TBC1D4: variants seen among roughly 807,000 people sequenced by gnomAD.
TBC1D4 encodes TBC (Tre-2, BUB2, CDC16) domain-containing protein.
A neutral mutation model predicts 142.5 loss-of-function variants in TBC1D4; 121 were observed. That is an observed-to-expected ratio of 0.85 (90% CI 0.73 to 0.99). The LOEUF (loss-of-function observed/expected upper bound fraction) is 0.99, where lower values mean the gene tolerates loss of function less well. TBC1D4 is among the 50% of genes least tolerant of loss of function. The pLI is 0.00. For synonymous variants in TBC1D4, 630 were observed against 628.2 expected (o/e 1.00, Z -0.04); for missense variants, 1,475 against 1,606.6 (o/e 0.92, Z 1.40).
At chr13:75,447,222 G>T (rs1443102941) in intron 1 of TBC1D4, among the ~76,000 whole-genome samples, 1 of 152,118 alleles carries the variant, frequency 6.6e-6, no homozygotes, top group Non-Finnish European at 1.5e-5. Flanking sequence ...AACGGTAGAA[G>T]TATGGAAGGA....
At chr13:75,323,561 A>C (rs906499535) in intron 11 of TBC1D4, among the ~76,000 whole-genome samples, 1 of 152,204 alleles carries the variant, frequency 6.6e-6, no homozygotes, top group Non-Finnish European at 1.5e-5. Context: ...GAACAAGAAT[A>C]AGATTTAACA....
intron 1 of TBC1D4, among the ~76,000 whole-genome samples, chr13:75,445,500 A>G (rs182546464): frequency 4.9e-4 from 75 of 152,278 alleles, no homozygotes; most frequent in Non-Finnish European, 9.1e-4. Context: ...CTAAGAATCC[A>G]CTGAGATCGT....
intron 1 of TBC1D4, among the ~76,000 whole-genome samples, chr13:75,394,293 T>C (rs1158015092): frequency 6.6e-6 from 1 of 152,218 alleles, no homozygotes; most frequent in Non-Finnish European, 1.5e-5. Context: ...GAGCTCAAGT[T>C]CATATTCATT....
chr13:75,365,758 G>A (rs1282840532), intron 1 of TBC1D4, among the ~76,000 whole-genome samples: 1 of 152,086 alleles, frequency 6.6e-6, no homozygotes, highest in Non-Finnish European at 1.5e-5. Flanking sequence ...AGACTGAGTT[G>A]GGGGGATTTT....
rs1874747930 is a variant in TBC1D4 at position 75,286,980 on chromosome 13, G to T, written c.3709C>A (p.Leu1237Ile). Residue 1237 changes from leucine to isoleucine, a missense_variant, in exon 21 of 21, where the codon CTT (leucine) becomes ATT (isoleucine). Physicochemically the swap from Leu to Ile is conservative, Grantham distance 5 (BLOSUM62 2). Around this residue, in one of 2 missense-constraint regions of TBC1D4, gnomAD observed 248 missense variants for 338.9 expected, o/e 0.73. Transcript: ENST00000377636. Reference sequence around the variant, plus strand: ...TTCATTTTGGTCTCTCTCGTCAAAAGATTTTCCAGGTTTGATTCCAAGGCC... The same window carrying T: ...TTCATTTTGGTCTCTCTCGTCAAAATATTTTCCAGGTTTGATTCCAAGGCC... Reference protein sequence around the residue: ...IQALESNLENLLTRETKMKSL... With the variant: ...IQALESNLENILTRETKMKSL... The T allele has an allele frequency of 6.2e-7, 1 of 1,613,876 alleles. No individual in the cohort carries two copies. Among genetic ancestry groups the T allele is most frequent in the Non-Finnish European group, 8.5e-7 (1 of 1,179,968 alleles).
chr13:75,288,786 G>GTC (rs1874950842), intron 20 of TBC1D4, 148 bp downstream of exon 20: 1 of 798,208 alleles, frequency 1.3e-6, no homozygotes, highest in Non-Finnish European at 2.0e-6. Flanking sequence ...CATGTCATTT[G>GTC]TAGCCCCAGA....
Position 75,482,038 on chromosome 13 carries a change from G to A in TBC1D4, c.-271C>T. On this transcript the variant is annotated 5_prime_UTR_variant, in exon 1 of 21. Coordinates refer to ENST00000377636, the MANE Select transcript of TBC1D4 (RefSeq NM_014832.5). ...TGGGCATCCTCCTCCTTGGGCTGGCGCCTCGGGCAGGACCTCCCCTTCCTC... is the reference window on the plus strand; with the variant it reads ...TGGGCATCCTCCTCCTTGGGCTGGCACCTCGGGCAGGACCTCCCCTTCCTC... 1 of 369,376 alleles carries A rather than the reference G, an allele frequency of 2.7e-6. No homozygotes were observed. Among genetic ancestry groups the A allele is most frequent in the Non-Finnish European group, 4.7e-6 (1 of 211,050 alleles). 22.9% of individuals were successfully genotyped at this position (369,376 alleles called of 1,614,324 possible). A position where few individuals can be genotyped will look rare whatever the true frequency, so the allele number is the denominator to read the frequency against.
At chr13:75,289,892 G>C (rs1374006872) in intron 19 of TBC1D4, among the ~76,000 whole-genome samples, 1 of 152,130 alleles carries the variant, frequency 6.6e-6, no homozygotes, top group Admixed American at 6.6e-5. Context: ...ACTGAGAAGA[G>C]AAAAGAAACC....
In TBC1D4 at chr13:75,312,854, T is replaced by G; in HGVS notation, c.2267A>C (p.Glu756Ala). Reference sequence around the variant, plus strand: ...AGAGGTTCCTCCCACACTTAGGGACTCATTGCTGCAGGTAGATGAGGTCCT... The same window carrying G: ...AGAGGTTCCTCCCACACTTAGGGACGCATTGCTGCAGGTAGATGAGGTCCT... Reference protein sequence around the residue: ...RKRTSSTCSNESLSVGGTSVT... With the variant: ...RKRTSSTCSNASLSVGGTSVT... Residue 756 changes from glutamate (E) to alanine (A), a missense_variant, in exon 13 of 21, where the codon GAG becomes GCG. Coordinates refer to ENST00000377636, the MANE Select transcript of TBC1D4 (RefSeq NM_014832.5). 1 of 1,614,196 alleles carries G rather than the reference T, an allele frequency of 6.2e-7. No individual in the cohort carries two copies. Among genetic ancestry groups the G allele is most frequent in the Non-Finnish European group, 8.5e-7 (1 of 1,180,040 alleles).
At chr13:75,410,057 T>C (rs1205305392) in intron 1 of TBC1D4, among the ~76,000 whole-genome samples, 1 of 152,216 alleles carries the variant, frequency 6.6e-6, no homozygotes, top group East Asian at 1.9e-4. Context: ...TTGCCTGCCT[T>C]GTATAAACAA....
intron 1 of TBC1D4, among the ~76,000 whole-genome samples, chr13:75,466,501 C>T (rs991677706): frequency 2.0e-5 from 3 of 152,182 alleles, no homozygotes; most frequent in Admixed American, 6.5e-5. Context: ...AAAGTCTCCA[C>T]TTGAATTATG....
chr13:75,311,151 G>C (rs1877710305), intron 13 of TBC1D4, among the ~76,000 whole-genome samples: 1 of 152,128 alleles, frequency 6.6e-6, no homozygotes, highest in Non-Finnish European at 1.5e-5. Context: ...TAGCATTTAA[G>C]TTCCTTCAGA....
intron 1 of TBC1D4, among the ~76,000 whole-genome samples, chr13:75,466,323 G>T: frequency 6.6e-6 from 1 of 152,178 alleles, no homozygotes; most frequent in East Asian, 1.9e-4. Context: ...GATGTGAGAA[G>T]GATGGGATTT....
chr13:75,436,566 G>A (rs1202447796), intron 1 of TBC1D4, among the ~76,000 whole-genome samples: 1 of 151,902 alleles, frequency 6.6e-6, no homozygotes, highest in African/African-American at 2.4e-5. Context: ...TGAGGTGGGA[G>A]GATCACCTGA....
intron 1 of TBC1D4, among the ~76,000 whole-genome samples, chr13:75,438,437 G>GA (rs1173367488): frequency 1.3e-5 from 2 of 152,040 alleles, no homozygotes; most frequent in Non-Finnish European, 2.9e-5. Flanking sequence ...CCTAAGGATA[G>GA]AAAAAACAGA....
At chr13:75,421,806 C>T (rs1886181886) in intron 1 of TBC1D4, among the ~76,000 whole-genome samples, 2 of 152,106 alleles carry the variant, frequency 1.3e-5, no homozygotes, top group African/African-American at 4.8e-5. Context: ...TATTCCAAAT[C>T]TATAAAAAAT....
intron 8 of TBC1D4, among the ~76,000 whole-genome samples, chr13:75,334,885 T>C (rs533120667): frequency 6.6e-6 from 1 of 152,288 alleles, no homozygotes; most frequent in South Asian, 2.1e-4. Flanking sequence ...TTCTAATTTC[T>C]ACCCTTTTCA....
chr13:75,319,828 C>T (rs939085257), intron 12 of TBC1D4, among the ~76,000 whole-genome samples, 186 bp downstream of exon 12: 2 of 152,176 alleles, frequency 1.3e-5, no homozygotes, highest in Non-Finnish European at 2.9e-5. Context: ...CAACATTTTA[C>T]ATGGTAATTC....
rs1874724664 is a variant in TBC1D4, at chr13:75,286,844, C to T, written c.3845G>A (p.Arg1282Lys). 1 of 1,613,850 alleles carries T rather than the reference C, an allele frequency of 6.2e-7. No individual in the cohort carries two copies. Among genetic ancestry groups the T allele is most frequent in the South Asian group, 1.1e-5 (1 of 91,078 alleles). Reference sequence around the variant, plus strand: ...GTTGTTAGGGTTGCAGTTTAGGTCTCTCAGCAACAGGTCACAATTGACTAG... The same window carrying T: ...GTTGTTAGGGTTGCAGTTTAGGTCTTTCAGCAACAGGTCACAATTGACTAG... Reference protein sequence around the residue: ...DALVNCDLLLRDLNCNPNNKA... With the variant: ...DALVNCDLLLKDLNCNPNNKA... The change falls in exon 21 of 21, where the codon AGA becomes AAA. Residue 1282 changes from arginine to lysine, a missense_variant. Physicochemically the swap from Arg to Lys is conservative, Grantham distance 26. Transcript: ENST00000377636.
Sources: gnomAD v4.1 joint callset for allele counts (sites outside exome capture counted in the v4.1 genomes callset) on GRCh38, gnomAD v4.1.1 for gene constraint, gnomAD v4.1.1 regional missense constraint, MANE v1.5 for transcripts, NCBI Gene and HGNC (gene_info 2026-07-23, HGNC 2026-07-21) for gene names.